Variants in FUT4 observed in about 807,000 individuals in gnomAD.
FUT4 encodes the protein alpha-(1,3)-fucosyltransferase 4.
In FUT4, 1 loss-of-function variant was observed where a neutral mutation model predicts 3.8. That is an observed-to-expected ratio of 0.26 (90% confidence interval 0.09 to 1.25). The LOEUF (loss-of-function observed/expected upper bound fraction) is 1.25. FUT4 is among the 50% of genes most tolerant of loss of function. The probability of loss-of-function intolerance (pLI) is 0.47; values close to 1 mark genes in which losing one functional copy is unlikely to be tolerated. For synonymous variants in FUT4, 417 were observed against 355.3 expected (o/e 1.17, Z -1.95); for missense variants, 880 against 768.2 (o/e 1.15, Z -1.72).
chr11:94,546,206 TG>T lies in FUT4; in HGVS notation c.*482del. 3.1e-6 allele frequency: 1 copy of T among 320,542 alleles called. No individual in the cohort carries two copies. The allele number at this position is 320,542 out of a possible 1,614,324, so 19.9% of individuals were successfully genotyped here. On this transcript the variant is annotated 3_prime_UTR_variant, in exon 1 of 1. Transcript: ENST00000358752. ...TTGTTGGTGGAGAGTGGAAGGACTG[TG>T]GCTGCAGGTGGGACTTTGTTGTTTG... is the stretch of plus-strand genomic sequence containing the variant.
rs1203507428 is a variant in FUT4 at position 94,546,305 on chromosome 11, A to G, written c.*579A>G. On this transcript the variant is annotated 3_prime_UTR_variant, in exon 1 of 1. Coordinates refer to ENST00000358752, the MANE Select transcript of FUT4 (RefSeq NM_002033.4). ...AGAGGGGCCGCTGACTTCTTTCACAAGTACTATCTGTTCCCCTGTCCTGTG... is the reference window on the plus strand; with the variant it reads ...AGAGGGGCCGCTGACTTCTTTCACAGGTACTATCTGTTCCCCTGTCCTGTG... 8.7e-6 allele frequency: 2 copies of G among 230,476 alleles called. No homozygotes were observed. The highest frequency in any genetic ancestry group is 1.1e-4 in the East Asian group (1 of 9,176). The allele number at this position is 230,476 out of a possible 1,614,324, so 14.3% of individuals were successfully genotyped here.
In FUT4 at chr11:94,544,017, G is replaced by A; in HGVS notation, c.-117G>A. 1 of 1,310,418 alleles carries A rather than the reference G, an allele frequency of 7.6e-7. No homozygotes were observed. Among genetic ancestry groups the A allele is most frequent in the East Asian group, 3.1e-5 (1 of 31,828 alleles). 81.2% of individuals were successfully genotyped at this position (1,310,418 alleles called of 1,614,324 possible). ...CTCGAGCCTCCTGTACCTTCCCAGG[G>A]ATGAACCGGGCCTTCCCTCTGGAAG... is the stretch of plus-strand genomic sequence containing the variant. On this transcript the variant is annotated 5_prime_UTR_variant, in exon 1 of 1. Transcript: ENST00000358752.
chr11:94,545,348 C>A lies in FUT4; in HGVS notation c.1215C>A (p.Ala405=). Residue 405 remains alanine, a synonymous_variant, in exon 1 of 1, where the codon GCC becomes GCA. Coordinates refer to ENST00000358752, the MANE Select transcript of FUT4 (RefSeq NM_002033.4). ...AAATTGGGCTCCTGCACACAGTGGC[C>A]CGCTACAAGTTCTACCTGGCTTTCG... is the stretch of plus-strand genomic sequence containing the variant. ...VPEIGLLHTV[A]RYKFYLAFEN... is the part of the protein sequence containing the mutation. 6.2e-7 allele frequency: 1 copy of A among 1,612,906 alleles called. No individual in the cohort carries two copies. Among genetic ancestry groups the A allele is most frequent in the Non-Finnish European group, 8.5e-7 (1 of 1,179,864 alleles).
chr11:94,544,369 C>T lies in FUT4; in HGVS notation c.236C>T (p.Ser79Phe), dbSNP rs1022264636. 5.2e-6 allele frequency: 8 copies of T among 1,544,944 alleles called. No homozygotes were observed. The highest frequency in any genetic ancestry group is 6.9e-6 in the Non-Finnish European group (8 of 1,153,420). ...GAGQGPRPLH[S>F]GTAPFHSRAS... ...GGGCAGGGCCCGCGGCCTTTGCATT[C>T]TGGGACCGCCCCCTTCCATTCCCGG... is the stretch of plus-strand genomic sequence containing the variant. The change falls in exon 1 of 1, where the codon TCT (serine) becomes TTT (phenylalanine). Residue 79 changes from serine to phenylalanine, a missense_variant. Ser to Phe is a radical substitution (Grantham distance 155, BLOSUM62 -2). Around this residue, in one of 3 missense-constraint regions of FUT4, gnomAD observed 447 missense variants for 339.5 expected, o/e 1.32. Coordinates refer to ENST00000358752, the MANE Select transcript of FUT4 (RefSeq NM_002033.4).
At position 94,544,011 on chromosome 11, in the gene FUT4, C is replaced by T; in HGVS notation, c.-123C>T. ...GAAGGTCTCGAGCCTCCTGTACCTTCCCAGGGATGAACCGGGCCTTCCCTC... is the reference window on the plus strand; with the variant it reads ...GAAGGTCTCGAGCCTCCTGTACCTTTCCAGGGATGAACCGGGCCTTCCCTC... On this transcript the variant is annotated 5_prime_UTR_variant, in exon 1 of 1. Coordinates refer to ENST00000358752, the MANE Select transcript of FUT4 (RefSeq NM_002033.4). 1 of 1,300,372 alleles carries T rather than the reference C, an allele frequency of 7.7e-7. No individual in the cohort carries two copies. Among genetic ancestry groups the T allele is most frequent in the Non-Finnish European group, 9.9e-7 (1 of 1,013,610 alleles). 80.6% of individuals were successfully genotyped at this position (1,300,372 alleles called of 1,614,324 possible).
Position 94,543,997 on chromosome 11 carries a change from G to GCCT in FUT4, c.-133_-131dup. On this transcript the variant is annotated 5_prime_UTR_variant, in exon 1 of 1. Coordinates refer to ENST00000358752, the MANE Select transcript of FUT4 (RefSeq NM_002033.4). ...CGGCAGCTGCTTTAGAAGGTCTCGA[G>GCCT]CCTCCTGTACCTTCCCAGGGATGAA... 5.0e-6 allele frequency: 6 copies of GCCT among 1,203,762 alleles called. No individual in the cohort carries two copies. Among genetic ancestry groups the GCCT allele is most frequent in the Non-Finnish European group, 6.4e-6 (6 of 938,654 alleles). The allele number at this position is 1,203,762 out of a possible 1,614,324, so 74.6% of individuals were successfully genotyped here.
chr11:94,545,650 G>A lies in FUT4; in HGVS notation c.1517G>A (p.Arg506Gln), dbSNP rs762096760. Residue 506 changes from arginine to glutamine, a missense_variant, in exon 1 of 1, where the codon CGG becomes CAG. Physicochemically the swap from Arg to Gln is conservative, Grantham distance 43. Coordinates refer to ENST00000358752, the MANE Select transcript of FUT4 (RefSeq NM_002033.4). ...TCCTTCTGGGACGAGCCTTGGTGCC[G>A]GGTGTGCCAGGCTGTACAGAGGGCT... The part of the protein sequence containing the change: ...ITSFWDEPWC[R>Q]VCQAVQRAGD... 3 of 1,612,666 alleles carry A rather than the reference G, an allele frequency of 1.9e-6. No homozygotes were observed. The highest frequency in any genetic ancestry group is 2.5e-6 in the Non-Finnish European group (3 of 1,180,042).
rs1217770182 is a variant in FUT4 at position 94,545,415 on chromosome 11, C to T, written c.1282C>T (p.Arg428Cys). The T allele has an allele frequency of 6.2e-7, 1 of 1,613,118 alleles. No individual in the cohort carries two copies. The highest frequency in any genetic ancestry group is 8.5e-7 in the Non-Finnish European group (1 of 1,179,816). The change falls in exon 1 of 1, where the codon CGC (arginine) becomes TGC (cysteine). Residue 428 changes from arginine to cysteine, a missense_variant. By Grantham distance (180) the Arg-to-Cys change is radical. Transcript: ENST00000358752. The part of the protein sequence containing the change: ...HLDYITEKLW[R>C]NALLAGAVPV... ...GGATTATATCACCGAGAAGCTCTGG[C>T]GCAACGCGTTGCTCGCTGGGGCGGT...
Position 94,544,086 on chromosome 11 carries a change from G to T in FUT4, c.-48G>T. ...GTGAGCGAGGGCCAGGGCGGTGGGC[G>T]CGCGCAGAGGGAAACCGGATCAGTT... is the stretch of plus-strand genomic sequence containing the variant. On this transcript the variant is annotated 5_prime_UTR_variant, in exon 1 of 1. Transcript: ENST00000358752. 1 of 1,361,120 alleles carries T rather than the reference G, an allele frequency of 7.3e-7. No individual in the cohort carries two copies. The highest frequency in any genetic ancestry group is 3.1e-5 in the East Asian group (1 of 32,246). The allele number at this position is 1,361,120 out of a possible 1,614,324, so 84.3% of individuals were successfully genotyped here. A position where few individuals can be genotyped will look rare whatever the true frequency, so the allele number is the denominator to read the frequency against.
rs1489670269 is a variant in FUT4, at chr11:94,544,938, G to T, written c.805G>T (p.Asp269Tyr). ...TAEEVDLRVL[D>Y]YEEAAAAAEA... Reference sequence around the variant, plus strand: ...CGAGGAGGTGGATCTGCGCGTGTTGGACTACGAGGAGGCAGCGGCGGCGGC... The same window carrying T: ...CGAGGAGGTGGATCTGCGCGTGTTGTACTACGAGGAGGCAGCGGCGGCGGC... Residue 269 changes from aspartate to tyrosine, a missense_variant, in exon 1 of 1, where the codon GAC becomes TAC. Physicochemically the swap from Asp to Tyr is radical, Grantham distance 160 (BLOSUM62 -3). This residue lies in a region of FUT4 where 424 missense variants were observed against 400.4 expected (regional missense o/e 1.06). Transcript: ENST00000358752. The T allele has an allele frequency of 1.9e-6, 3 of 1,606,852 alleles. No individual in the cohort carries two copies. Among genetic ancestry groups the T allele is most frequent in the East Asian group, 4.5e-5 (2 of 44,446 alleles).
Position 94,545,486 on chromosome 11 carries a change from GCCCCGCGGCGCCTTCATCCACGTGGACGA to G in FUT4, c.1355_1383del (p.Pro452LeufsTer88), listed in dbSNP as rs1565259391. Reference sequence around the variant, plus strand: ...ACCGTGCCAACTACGAGCGCTTTGTGCCCCGCGGCGCCTTCATCCACGTGGACGACTTCCCAAGTGCCTCCTCCCTGGCC... The same window carrying G: ...ACCGTGCCAACTACGAGCGCTTTGTGCTTCCCAAGTGCCTCCTCCCTGGCC... On this transcript the variant is annotated frameshift_variant, in exon 1 of 1. Coordinates refer to ENST00000358752, the MANE Select transcript of FUT4 (RefSeq NM_002033.4). LOFTEE classifies it high-confidence loss of function. 1.9e-6 allele frequency: 3 copies of G among 1,613,634 alleles called. No individual in the cohort carries two copies. The highest frequency in any genetic ancestry group is 2.5e-6 in the Non-Finnish European group (3 of 1,179,946).
chr11:94,545,174 C>T lies in FUT4; in HGVS notation c.1041C>T (p.Ala347=), dbSNP rs1947846199. 1 of 1,610,832 alleles carries T rather than the reference C, an allele frequency of 6.2e-7. No individual in the cohort carries two copies. Residue 347 remains alanine (A), a synonymous_variant, in exon 1 of 1, where the codon GCC becomes GCT. Transcript: ENST00000358752. ...SHPGDPPSGL[A]PPLSRKQGLV... ...CCGGCGACCCGCCCTCAGGCCTGGCCCCGCCACTGTCCAGGAAACAGGGGC... is the reference window on the plus strand; with the variant it reads ...CCGGCGACCCGCCCTCAGGCCTGGCTCCGCCACTGTCCAGGAAACAGGGGC...
Position 94,544,234 on chromosome 11 carries a change from G to C in FUT4, c.101G>C (p.Arg34Pro). 3 of 1,480,710 alleles carry C rather than the reference G, an allele frequency of 2.0e-6. No individual in the cohort carries two copies. The highest frequency in any genetic ancestry group is 2.7e-6 in the Non-Finnish European group (3 of 1,121,268). 91.7% of individuals were successfully genotyped at this position (1,480,710 alleles called of 1,614,324 possible). ...PQEAPGAWSGRLGPGRSGRKG... is the reference protein window; with the variant it reads ...PQEAPGAWSGPLGPGRSGRKG... ...GAGGCTCCCGGGGCCTGGTCGGGCC[G>C]GCTGGGCCCCGGGCGCAGTGGAAGA... Residue 34 changes from arginine to proline, a missense_variant, in exon 1 of 1, where the codon CGG (arginine) becomes CCG (proline). Transcript: ENST00000358752.
rs1200349448 is a variant in FUT4 at position 94,545,147 on chromosome 11, C to T, written c.1014C>T (p.His338=). The T allele has an allele frequency of 6.2e-7, 1 of 1,610,656 alleles. No homozygotes were observed. Among genetic ancestry groups the T allele is most frequent in the Non-Finnish European group, 8.5e-7 (1 of 1,179,526 alleles). The change falls in exon 1 of 1, where the codon CAC becomes CAT. Residue 338 remains histidine (H), a synonymous_variant. Coordinates refer to ENST00000358752, the MANE Select transcript of FUT4 (RefSeq NM_002033.4). The part of the protein sequence containing the change: ...VPYGYLYPRS[H]PGDPPSGLAP... ...ATGGCTACCTCTACCCCAGAAGCCACCCCGGCGACCCGCCCTCAGGCCTGG... is the reference window on the plus strand; with the variant it reads ...ATGGCTACCTCTACCCCAGAAGCCATCCCGGCGACCCGCCCTCAGGCCTGG...
Position 94,544,086 on chromosome 11 carries a change from G to A in FUT4, c.-48G>A, listed in dbSNP as rs1947825808. 7.3e-7 allele frequency: 1 copy of A among 1,361,120 alleles called. No homozygotes were observed. Among genetic ancestry groups the A allele is most frequent in the South Asian group, 1.9e-5 (1 of 53,242 alleles). The allele number at this position is 1,361,120 out of a possible 1,614,324, so 84.3% of individuals were successfully genotyped here. ...GTGAGCGAGGGCCAGGGCGGTGGGC[G>A]CGCGCAGAGGGAAACCGGATCAGTT... is the stretch of plus-strand genomic sequence containing the variant. On this transcript the variant is annotated 5_prime_UTR_variant, in exon 1 of 1. Transcript: ENST00000358752.
rs1451809525 is a variant in FUT4, at chr11:94,546,888, T to C, written c.*1162T>C. ...CTCTGACAGTTTTTAGTTAAATGTT[T>C]AGATCCTCAGAACTACATTAGTGCC... On this transcript the variant is annotated 3_prime_UTR_variant, in exon 1 of 1. Transcript: ENST00000358752. 1 of 167,126 alleles carries C rather than the reference T, an allele frequency of 6.0e-6. No homozygotes were observed. Among genetic ancestry groups the C allele is most frequent in the African/African-American group, 2.4e-5 (1 of 41,470 alleles). 10.4% of individuals were successfully genotyped at this position (167,126 alleles called of 1,614,324 possible).
In FUT4 at chr11:94,545,711, C is replaced by T; in HGVS notation, c.1578C>T (p.Ser526=). ...DRPKSIRNLA[S]WFER ...CCAAGAGCATACGGAACTTGGCCAGCTGGTTCGAGCGGTGAAGCCGCGCTC... is the reference window on the plus strand; with the variant it reads ...CCAAGAGCATACGGAACTTGGCCAGTTGGTTCGAGCGGTGAAGCCGCGCTC... Residue 526 remains serine (S), a synonymous_variant, in exon 1 of 1, where the codon AGC becomes AGT. Transcript: ENST00000358752. 6.2e-7 allele frequency: 1 copy of T among 1,611,580 alleles called. No individual in the cohort carries two copies. The highest frequency in any genetic ancestry group is 8.5e-7 in the Non-Finnish European group (1 of 1,179,756).
chr11:94,545,551 T>C lies in FUT4; in HGVS notation c.1418T>C (p.Leu473Pro). The C allele has an allele frequency of 1.2e-6, 2 of 1,613,670 alleles. No homozygotes were observed. ...GCCTCCTCCCTGGCCTCGTACCTGC[T>C]TTTCCTCGACCGCAACCCCGCGGTC... is the stretch of plus-strand genomic sequence containing the variant. Reference protein sequence around the residue: ...PSASSLASYLLFLDRNPAVYR... With the variant: ...PSASSLASYLPFLDRNPAVYR... The change falls in exon 1 of 1, where the codon CTT becomes CCT. Residue 473 changes from leucine to proline, a missense_variant. Leu to Pro is a moderately conservative substitution (Grantham distance 98). This residue lies in a region of FUT4 where 424 missense variants were observed against 400.4 expected (regional missense o/e 1.06). Coordinates refer to ENST00000358752, the MANE Select transcript of FUT4 (RefSeq NM_002033.4).
rs1565259219 is a variant in FUT4 at position 94,545,303 on chromosome 11, G to C, written c.1170G>C (p.Gly390=). ...HVTVDVFGRG[G]PGQPVPEIGL... The stretch of plus-strand genomic sequence containing the variant: ...CCGTGGACGTGTTCGGCCGGGGCGG[G>C]CCGGGGCAGCCGGTGCCCGAAATTG... The change falls in exon 1 of 1, where the codon GGG becomes GGC. Residue 390 remains glycine, a synonymous_variant. Transcript: ENST00000358752. 1.2e-6 allele frequency: 2 copies of C among 1,611,766 alleles called. No individual in the cohort carries two copies. Among genetic ancestry groups the C allele is most frequent in the African/African-American group, 2.7e-5 (2 of 75,056 alleles).
Sources: gnomAD v4.1 joint callset for allele counts on GRCh38, gnomAD v4.1.1 for gene constraint, gnomAD v4.1.1 regional missense constraint, MANE v1.5 for transcripts, NCBI Gene and HGNC (gene_info 2026-07-23, HGNC 2026-07-21) for gene names.